Variants in PDE2A observed in about 807,000 individuals in gnomAD.
PDE2A encodes phosphodiesterase 2A.
PDE2A carries 53 observed loss-of-function variants against 133.6 expected under a neutral mutation model. That is an observed-to-expected ratio of 0.40 (90% CI 0.32 to 0.50). The LOEUF (loss-of-function observed/expected upper bound fraction) is 0.50. PDE2A is among the 20% of genes least tolerant of loss of function. The probability of loss-of-function intolerance (pLI) is 0.73; values close to 1 mark genes in which losing one functional copy is unlikely to be tolerated. For missense variants in PDE2A, 796 were observed against 1,232.4 expected, an observed-to-expected ratio of 0.65 and a Z score of 5.30; for synonymous variants, 491 against 490.2, an observed-to-expected ratio of 1.00 and a Z score of -0.02.
At chr11:72,583,721 C>T (rs986982099) in intron 19 of PDE2A, among the ~76,000 whole-genome samples, 3 of 152,084 alleles carry the variant, frequency 2.0e-5, no homozygotes, top group Admixed American at 6.5e-5. Context: ...ATCAAGTTCT[C>T]CCAGCATTTG....
At chr11:72,629,510 G>A (rs1337732051) in intron 2 of PDE2A, among the ~76,000 whole-genome samples, 1 of 152,240 alleles carries the variant, frequency 6.6e-6, no homozygotes, top group Non-Finnish European at 1.5e-5. Context: ...CCGCCCCATG[G>A]GGAATGCCAT....
chr11:72,598,494 C>T lies in PDE2A; in HGVS notation c.324-875G>A, dbSNP rs1425293031. Reference sequence around the variant, plus strand: ...CTACCCCCCAGCCTCTGGCTCATCCCGCTTAATTAAGCACCTGAGTTTGCA... The same window carrying T: ...CTACCCCCCAGCCTCTGGCTCATCCTGCTTAATTAAGCACCTGAGTTTGCA... On this transcript the variant is annotated intron_variant, in intron 4 of 30. Transcript: ENST00000334456. 7 of 1,288,474 alleles carry T rather than the reference C, an allele frequency of 5.4e-6. No homozygotes were observed. The Admixed American group carries it at 6.9e-5, about 13-fold the overall frequency. The allele number at this position is 1,288,474 out of a possible 1,614,324, so 79.8% of individuals were successfully genotyped here. A position where few individuals can be genotyped will look rare whatever the true frequency, so the allele number is the denominator to read the frequency against.
chr11:72,601,000 C>T (rs534500436), intron 4 of PDE2A, among the ~76,000 whole-genome samples: 1 of 151,374 alleles, frequency 6.6e-6, no homozygotes, highest in Non-Finnish European at 1.5e-5. Context: ...TTCTCTGAGC[C>T]CCTGTGTGTG....
rs1016172085 is a variant in PDE2A, at chr11:72,602,536, TGGG to T, written c.323+2599_323+2601del. Among the ~76,000 whole-genome samples the T allele has an allele frequency of 9.2e-5, 14 of 152,250 alleles. 1 individual carries two copies. Among genetic ancestry groups the T allele is most frequent in the African/African-American group, 3.1e-4 (13 of 41,532 alleles). ...CCTGTAGGTCAGTCCCTCTCCCTCC[TGGG>T]GGGACCAGAGCCACAAAGGTCACCA... On this transcript the variant is annotated intron_variant, in intron 4 of 30. Coordinates refer to ENST00000334456, the MANE Select transcript of PDE2A (RefSeq NM_002599.5).
At chr11:72,589,320 T>C in intron 11 of PDE2A, 80 bp from the exon 12 acceptor site, 1 of 1,070,114 alleles carries the variant, frequency 9.3e-7, no homozygotes, top group Non-Finnish European at 1.4e-6. Flanking sequence ...CCCTCAAATC[T>C]GGAAGTTTCA....
intron 1 of PDE2A, among the ~76,000 whole-genome samples, chr11:72,672,828 G>T (rs1226946743): frequency 6.6e-6 from 1 of 151,994 alleles, no homozygotes; most frequent in Non-Finnish European, 1.5e-5. Context: ...CTTTCCCACA[G>T]GGTGTAGAAT....
intron 1 of PDE2A, among the ~76,000 whole-genome samples, chr11:72,663,103 C>T (rs989304490): frequency 1.3e-5 from 2 of 152,176 alleles, no homozygotes; most frequent in Non-Finnish European, 2.9e-5. Context: ...TCCTCATCAG[C>T]GGTCCCAGCA....
Position 72,608,664 on chromosome 11 carries a change from C to G in PDE2A, c.232G>C (p.Val78Leu). 6.5e-7 allele frequency: 1 copy of G among 1,541,212 alleles called. No individual in the cohort carries two copies. The highest frequency in any genetic ancestry group is 8.8e-7 in the Non-Finnish European group (1 of 1,130,302). ...GTGGGGCAAGGGCGGGCACCTACCA[C>G]TCGGGGGAGCACAGCTGACAGGGCC... is the stretch of plus-strand genomic sequence containing the variant. ...KEALSAVLPRVETVYTYLLDG... is the reference protein window; with the variant it reads ...KEALSAVLPRLETVYTYLLDG... The change falls in exon 3 of 31, where the codon GTG (valine) becomes CTG (leucine). Residue 78 changes from valine to leucine, a missense_variant and splice_region_variant. Val to Leu is a conservative substitution (Grantham distance 32). This residue lies in a region of PDE2A where 417 missense variants were observed against 475.3 expected (regional missense o/e 0.88). Coordinates refer to ENST00000334456, the MANE Select transcript of PDE2A (RefSeq NM_002599.5).
intron 6 of PDE2A, among the ~76,000 whole-genome samples, chr11:72,595,035 G>GACACACACACAC (rs34720227): frequency 2.4e-4 from 36 of 148,758 alleles, no homozygotes; most frequent in Non-Finnish European, 3.7e-4. Flanking sequence ...GCGTCCCTGA[G>GACACACACACAC]ACACACACAC....
intron 2 of PDE2A, among the ~76,000 whole-genome samples, chr11:72,630,140 G>A (rs954830306): frequency 4.6e-5 from 7 of 152,134 alleles, no homozygotes; most frequent in Non-Finnish European, 8.8e-5. Flanking sequence ...CGGGGGGTGG[G>A]GATGGCACCC....
At chr11:72,589,005 T>A (rs1856107222) in intron 12 of PDE2A, 91 bp from the exon 13 acceptor site, 2 of 1,411,084 alleles carry the variant, frequency 1.4e-6, no homozygotes, top group Admixed American at 1.8e-5. Flanking sequence ...CAGGCAGTTC[T>A]AAGGGACTCA....
At chr11:72,614,962 C>T (rs895709674) in intron 2 of PDE2A, 6 of 350,338 alleles carry the variant, frequency 1.7e-5, no homozygotes, top group African/African-American at 1.2e-4. Context: ...TTCCTCCTCC[C>T]TCTTTCTCTT....
In PDE2A at chr11:72,635,554, G is replaced by A. The variant is rs1318094287; in HGVS notation, c.144+6700C>T. On this transcript the variant is annotated intron_variant, in intron 2 of 30. Transcript: ENST00000334456. ...ACCACGCATCCACACAGCCCTGGCT[G>A]GGAGCTGAGAGTCAAGGAATGCTAG... Among the ~76,000 whole-genome samples the A allele has an allele frequency of 2.0e-5, 3 of 152,164 alleles. No homozygotes were observed. The East Asian group carries it at 5.8e-4, about 29-fold the overall frequency.
chr11:72,652,372 TA>T (rs1332945367), intron 1 of PDE2A: 44 of 400,454 alleles, frequency 1.1e-4, no homozygotes, highest in Middle Eastern at 8.6e-4. Context: ...TCAGCCTCCC[TA>T]GTAGCTGGAA....
chr11:72,652,657 T>A (rs1335123779), intron 1 of PDE2A: 2 of 456,172 alleles, frequency 4.4e-6, no homozygotes, highest in Non-Finnish European at 8.8e-6. Flanking sequence ...ATCTTCATGA[T>A]ATTATTAGCC....
In PDE2A at chr11:72,591,072, T is replaced by A. The variant is rs982448312; in HGVS notation, c.549+225A>T. 2.2e-3 allele frequency: 1,166 copies of A among 536,376 alleles called. 16 individuals carry two copies. Among genetic ancestry groups the A allele is most frequent in the South Asian group, 0.018 (704 of 38,306 alleles). The allele number at this position is 536,376 out of a possible 1,614,324, so 33.2% of individuals were successfully genotyped here. ...GTATTTACAAGATATTTGACCAGTT[T>A]TGTTTCACCACTGCCCTAGGTCAGT... is the stretch of plus-strand genomic sequence containing the variant. On this transcript the variant is annotated intron_variant, in intron 7 of 30. Transcript: ENST00000334456.
At chr11:72,589,045 A>G (rs1417826468) in intron 12 of PDE2A, 130 bp downstream of exon 12, 1 of 1,231,760 alleles carries the variant, frequency 8.1e-7, no homozygotes, top group Non-Finnish European at 1.2e-6. Context: ...TGTCATGGAG[A>G]TGGGACAGTA....
intron 4 of PDE2A, among the ~76,000 whole-genome samples, chr11:72,600,764 G>A (rs1856709349): frequency 6.6e-6 from 1 of 152,030 alleles, no homozygotes; most frequent in South Asian, 2.1e-4. Flanking sequence ...CACAACCCAG[G>A]GCCAGCTGCC....
intron 6 of PDE2A, among the ~76,000 whole-genome samples, chr11:72,593,644 C>G (rs1294074346): frequency 1.3e-5 from 2 of 152,292 alleles, no homozygotes; most frequent in East Asian, 3.9e-4. Flanking sequence ...CAAGGGCTGC[C>G]ACTCCTCAAA....
Sources: allele counts gnomAD v4.1 joint callset (sites outside exome capture counted in the v4.1 genomes callset), GRCh38; gene constraint gnomAD v4.1.1; regional missense constraint gnomAD v4.1.1; transcripts MANE v1.5; gene names NCBI Gene and HGNC (gene_info 2026-07-23, HGNC 2026-07-21).